SUSD1: variants seen among roughly 807,000 people sequenced by gnomAD.
The protein encoded by SUSD1 is sushi domain containing 1.
In SUSD1, 65 loss-of-function variants were observed where a neutral mutation model predicts 86.9. That is an observed-to-expected ratio of 0.75 (90% CI 0.61 to 0.92). SUSD1 has a LOEUF of 0.92. Ranked by LOEUF, SUSD1 falls within the 40% of genes least tolerant of loss-of-function variation. The pLI, the probability that SUSD1 is intolerant of heterozygous loss-of-function variation, is 0.00. For missense variants in SUSD1, 850 were observed against 929.7 expected (o/e 0.91, Z 1.11); for synonymous variants, 346 against 350.0 (o/e 0.99, Z 0.13).
intron 1 of SUSD1, among the ~76,000 whole-genome samples, chr9:112,161,190 C>T: frequency 6.6e-6 from 1 of 151,722 alleles, no homozygotes; most frequent in Non-Finnish European, 1.5e-5. Flanking sequence ...CCAGCCTGGC[C>T]AACATGGCGT....
At chr9:112,144,585 G>A (rs1832727119) in intron 3 of SUSD1, among the ~76,000 whole-genome samples, 2 of 152,092 alleles carry the variant, frequency 1.3e-5, no homozygotes, top group South Asian at 4.1e-4. Context: ...ACCAGCCTGG[G>A]AACGAAGTGA....
chr9:112,126,559 A>T (rs995054283), intron 5 of SUSD1, among the ~76,000 whole-genome samples: 1 of 152,110 alleles, frequency 6.6e-6, no homozygotes, highest in Non-Finnish European at 1.5e-5. Context: ...AGCAGCTTGG[A>T]CCTGTGGCTC....
At chr9:112,080,870 C>G (rs1589625177) in intron 10 of SUSD1, among the ~76,000 whole-genome samples, 2 of 152,270 alleles carry the variant, frequency 1.3e-5, no homozygotes, top group East Asian at 3.9e-4. Context: ...CAGAGAATTG[C>G]TCCTTGAGGA....
intron 1 of SUSD1, among the ~76,000 whole-genome samples, chr9:112,163,496 G>A (rs936377194): frequency 1.3e-5 from 2 of 151,954 alleles, no homozygotes; most frequent in Non-Finnish European, 2.9e-5. Flanking sequence ...TAATTAGCTG[G>A]GCATGGTGGT....
At chr9:112,132,976 T>A (rs1832094308) in intron 5 of SUSD1, among the ~76,000 whole-genome samples, 2 of 152,146 alleles carry the variant, frequency 1.3e-5, no homozygotes, top group Admixed American at 6.5e-5. Context: ...TTAGAAAATG[T>A]TATACAGCAG....
Position 112,167,280 on chromosome 9 carries a change from T to C in SUSD1, c.103+7853A>G, listed in dbSNP as rs572940618. On this transcript the variant is annotated intron_variant, in intron 1 of 16. Transcript: ENST00000374270. ...CCCAGATAATTTTTTATTATTATTATTTTATAGACACGGGATCTCCCTATG... is the reference window on the plus strand; with the variant it reads ...CCCAGATAATTTTTTATTATTATTACTTTATAGACACGGGATCTCCCTATG... 2.6e-5 allele frequency among the ~76,000 whole-genome samples: 4 copies of C among 152,208 alleles called. No individual in the cohort carries two copies. In the South Asian group the frequency reaches 6.2e-4, roughly 24 times the overall value.
intron 1 of SUSD1, among the ~76,000 whole-genome samples, chr9:112,159,079 T>C (rs916545299): frequency 1.3e-5 from 2 of 151,772 alleles, no homozygotes; most frequent in Non-Finnish European, 2.9e-5. Context: ...GATGACCAGA[T>C]CCCAATTATT....
At chr9:112,143,693 T>G in intron 3 of SUSD1, 70 bp from the exon 4 acceptor site, 1 of 1,448,700 alleles carries the variant, frequency 6.9e-7, no homozygotes, top group Admixed American at 2.3e-5. Flanking sequence ...GAGAGGATAT[T>G]GTGACAGCCA....
rs1829703935 is a variant in SUSD1, at chr9:112,080,168, G to A, written c.1475-3C>T. The A allele has an allele frequency of 1.9e-6, 3 of 1,605,926 alleles. No homozygotes were observed. The highest frequency in any genetic ancestry group is 4.5e-5 in the East Asian group (2 of 44,796). ...AATGTTACTGATGGTCTGTTTTACTGTAGTGGAAAAGAAATGAGAAATCAA... is the reference window on the plus strand; with the variant it reads ...AATGTTACTGATGGTCTGTTTTACTATAGTGGAAAAGAAATGAGAAATCAA... On this transcript the variant is annotated splice_polypyrimidine_tract_variant and splice_region_variant and intron_variant, in intron 10 of 16. Transcript: ENST00000374270.
chr9:112,097,003 G>C (rs150299585), intron 10 of SUSD1, among the ~76,000 whole-genome samples: 1 of 143,828 alleles, frequency 7.0e-6, no homozygotes, highest in Non-Finnish European at 1.5e-5. Context: ...AGGACAAGGT[G>C]CCAGGCTCAA....
intron 5 of SUSD1, among the ~76,000 whole-genome samples, chr9:112,128,177 C>G (rs552218686): frequency 6.6e-6 from 1 of 152,038 alleles, no homozygotes; most frequent in Non-Finnish European, 1.5e-5. Flanking sequence ...ATTGCAACCT[C>G]TGCCTCCCAG....
At chr9:112,101,824 C>A (rs1028997826) in intron 9 of SUSD1, among the ~76,000 whole-genome samples, 7 of 152,068 alleles carry the variant, frequency 4.6e-5, no homozygotes, top group African/African-American at 1.7e-4. Context: ...CCAGCCTGGG[C>A]AACAAGAGCG....
At chr9:112,130,811 G>C (rs1831999027) in intron 5 of SUSD1, among the ~76,000 whole-genome samples, 1 of 148,232 alleles carries the variant, frequency 6.7e-6, no homozygotes, top group African/African-American at 2.5e-5. Flanking sequence ...ATCACTTTGA[G>C]CTCAGGAGTT....
At chr9:112,050,109 T>C (rs972346238) in intron 15 of SUSD1, among the ~76,000 whole-genome samples, 1 of 152,222 alleles carries the variant, frequency 6.6e-6, no homozygotes, top group East Asian at 1.9e-4. Flanking sequence ...TAAAAGCATC[T>C]CTTTTCCTCG....
In SUSD1 at chr9:112,159,416, AGAC is replaced by A. The variant is rs1415952245; in HGVS notation, c.104-1806_104-1804del. 3.9e-5 allele frequency among the ~76,000 whole-genome samples: 6 copies of A among 152,340 alleles called. No homozygotes were observed. In the East Asian group the frequency reaches 7.7e-4, roughly 20 times the overall value. ...TCTGCGTGTTTTTTAAAAAAATAAAAGACAACACAAAAATAAGACAAACCGCTA... is the reference window on the plus strand; with the variant it reads ...TCTGCGTGTTTTTTAAAAAAATAAAAAACACAAAAATAAGACAAACCGCTA... On this transcript the variant is annotated intron_variant, in intron 1 of 16. Coordinates refer to ENST00000374270, the MANE Select transcript of SUSD1 (RefSeq NM_022486.5).
At chr9:112,131,489 T>C (rs1832031874) in intron 5 of SUSD1, among the ~76,000 whole-genome samples, 2 of 152,182 alleles carry the variant, frequency 1.3e-5, no homozygotes, top group Non-Finnish European at 2.9e-5. Context: ...GCCTGGGGCT[T>C]GCCTAGAACA....
In SUSD1 at chr9:112,041,907, C is replaced by G; in HGVS notation, c.2203G>C (p.Val735Leu). 1 of 1,614,054 alleles carries G rather than the reference C, an allele frequency of 6.2e-7. No homozygotes were observed. The highest frequency in any genetic ancestry group is 8.5e-7 in the Non-Finnish European group (1 of 1,179,942). The change falls in exon 16 of 17, where the codon GTT becomes CTT. Residue 735 changes from valine to leucine, a missense_variant. Coordinates refer to ENST00000374270, the MANE Select transcript of SUSD1 (RefSeq NM_022486.5). The stretch of plus-strand genomic sequence containing the variant: ...GAGAGGAATGTGAGAATGATCACAA[C>G]AGCCAGGGAACCCAGTCCAACACCC... ...MAGVGLGSLA[V>L]VIILTFLSFS...
intron 3 of SUSD1, among the ~76,000 whole-genome samples, chr9:112,144,460 T>C (rs938297636): frequency 7.2e-5 from 11 of 151,950 alleles, no homozygotes; most frequent in Non-Finnish European, 1.5e-5. Context: ...CCCAACCTCA[T>C]ACTAAAACAT....
At chr9:112,093,697 G>A (rs1830289976) in intron 10 of SUSD1, among the ~76,000 whole-genome samples, 1 of 152,166 alleles carries the variant, frequency 6.6e-6, no homozygotes, top group Non-Finnish European at 1.5e-5. Context: ...GTAAGATTCA[G>A]TATCTCCCTG....
Sources: gnomAD v4.1 joint callset for allele counts (sites outside exome capture counted in the v4.1 genomes callset) on GRCh38, gnomAD v4.1.1 for gene constraint, MANE v1.5 for transcripts, NCBI Gene and HGNC (gene_info 2026-07-23, HGNC 2026-07-21) for gene names.